The following CCSER1 variants were observed in gnomAD, a reference collection of about 807,000 sequenced individuals.
CCSER1 encodes coiled-coil serine rich protein 1, also known as serine-rich coiled-coil domain-containing protein 1.
CCSER1 carries 41 observed loss-of-function variants against 82.0 expected under a neutral mutation model. The observed-to-expected ratio is 0.50, with a 90% CI of 0.39 to 0.65. CCSER1 has a LOEUF of 0.65. CCSER1 is among the 30% of genes least tolerant of loss of function. The pLI, the probability that CCSER1 is intolerant of heterozygous loss-of-function variation, is 0.00. For missense variants in CCSER1, 1,119 were observed against 1,064.2 expected (o/e 1.05, Z -0.72); for synonymous variants, 414 against 383.9 (o/e 1.08, Z -0.92).
chr4:91,264,789 GT>G (rs1373118086), intron 10 of CCSER1, among the ~76,000 whole-genome samples: 42 of 151,978 alleles, frequency 2.8e-4, no homozygotes, highest in Admixed American at 9.8e-4. Context: ...TTCTTAACTA[GT>G]TTTATCTCTG....
chr4:91,455,374 T>A (rs926482769), intron 10 of CCSER1, among the ~76,000 whole-genome samples: 12 of 152,004 alleles, frequency 7.9e-5, no homozygotes, highest in African/African-American at 2.9e-4. Flanking sequence ...ACAGGTGGGG[T>A]CTTTTGGAAA....
intron 6 of CCSER1, among the ~76,000 whole-genome samples, chr4:90,629,437 C>A (rs112768911): frequency 1.3e-5 from 2 of 152,104 alleles, no homozygotes; most frequent in African/African-American, 4.8e-5. Flanking sequence ...TCTTACACGG[C>A]GGCAGGCAAG....
At chr4:91,053,564 C>T (rs1743184421) in intron 9 of CCSER1, among the ~76,000 whole-genome samples, 1 of 152,156 alleles carries the variant, frequency 6.6e-6, no homozygotes, top group East Asian at 1.9e-4. Flanking sequence ...TGTTCACAGA[C>T]CTCCAGAGGA....
chr4:90,398,810 A>G (rs1163702207), intron 3 of CCSER1, among the ~76,000 whole-genome samples: 2 of 152,256 alleles, frequency 1.3e-5, no homozygotes, highest in East Asian at 1.9e-4. Flanking sequence ...CTTTCAAACC[A>G]TGGTATGTGC....
In CCSER1 at chr4:91,553,572, A is replaced by AT. The variant is rs35414901; in HGVS notation, c.2218-44990dup. ...TGATTCAATCTCCTTACTTACGGGA[A>AT]TTTTTTTTTTGTCTTCAGTCTCCTT... On this transcript the variant is annotated intron_variant, in intron 10 of 10. Transcript: ENST00000509176. Among the ~76,000 whole-genome samples the AT allele has an allele frequency of 8.1e-4, 121 of 149,846 alleles. 1 individual carries two copies. The highest frequency in any genetic ancestry group is 1.2e-3 in the Non-Finnish European group (79 of 67,178).
intron 7 of CCSER1, among the ~76,000 whole-genome samples, chr4:90,766,060 G>T (rs1388605438): frequency 1.3e-5 from 2 of 152,132 alleles, no homozygotes; most frequent in Admixed American, 1.3e-4. Flanking sequence ...AAATGTGTGT[G>T]TGTGTATGTG....
chr4:91,079,578 C>A (rs935640250), intron 9 of CCSER1, among the ~76,000 whole-genome samples: 2 of 152,172 alleles, frequency 1.3e-5, no homozygotes, highest in Non-Finnish European at 2.9e-5. Flanking sequence ...CAATATGAAT[C>A]TTAAATGTAA....
chr4:90,807,737 A>G (rs531964030), intron 7 of CCSER1, among the ~76,000 whole-genome samples: 1 of 152,264 alleles, frequency 6.6e-6, no homozygotes, highest in Admixed American at 6.5e-5. Flanking sequence ...AAAAAATCAT[A>G]TATGACATAA....
intron 9 of CCSER1, among the ~76,000 whole-genome samples, chr4:90,951,943 C>A (rs1215442049): frequency 2.0e-5 from 3 of 151,216 alleles, no homozygotes; most frequent in Non-Finnish European, 4.4e-5. Flanking sequence ...ATTTTACACG[C>A]ACACACATAC....
intron 5 of CCSER1, among the ~76,000 whole-genome samples, chr4:90,539,328 A>G (rs764357556): frequency 6.6e-5 from 10 of 152,070 alleles, no homozygotes; most frequent in Non-Finnish European, 1.2e-4. Flanking sequence ...GAAGACAGGG[A>G]TTCACTGATG....
At chr4:90,413,981 A>AATATATATATATATATATATATATATAT (rs70963066) in intron 4 of CCSER1, among the ~76,000 whole-genome samples, 1 of 52,450 alleles carries the variant, frequency 1.9e-5, no homozygotes, top group African/African-American at 1.0e-4. Context: ...AAAAAAAAAA[A>AATATATATATATATATATATATATATAT]ATATATATAT....
chr4:91,386,298 A>C (rs892530898), intron 10 of CCSER1, among the ~76,000 whole-genome samples: 3 of 152,064 alleles, frequency 2.0e-5, no homozygotes, highest in Admixed American at 1.3e-4. Flanking sequence ...TCTCACTGTA[A>C]AATCTGAGAT....
chr4:91,067,009 C>CA (rs1355805863), intron 9 of CCSER1, among the ~76,000 whole-genome samples: 6 of 151,916 alleles, frequency 3.9e-5, no homozygotes, highest in Non-Finnish European at 7.4e-5. Flanking sequence ...ACTAAAAATA[C>CA]AAAAAATTAG....
At chr4:90,581,945 C>G (rs1469447756) in intron 5 of CCSER1, among the ~76,000 whole-genome samples, 5 of 150,236 alleles carry the variant, frequency 3.3e-5, no homozygotes, top group Non-Finnish European at 7.4e-5. Flanking sequence ...TTTGATAGGA[C>G]CAAGCAGGAT....
chr4:91,501,256 A>G lies in CCSER1; in HGVS notation c.2218-97316A>G, dbSNP rs190926771. Among the ~76,000 whole-genome samples, 85 of 151,888 alleles carry G rather than the reference A, an allele frequency of 5.6e-4. No individual in the cohort carries two copies. In the East Asian group the frequency reaches 0.015, roughly 27 times the overall value. ...AGAATTTCTTTTTATTTATGATCCC[A>G]TTCCTTTTTGTTGTTGTTGATTTAA... On this transcript the variant is annotated intron_variant, in intron 10 of 10. Transcript: ENST00000509176.
At chr4:90,817,077 T>C (rs1333179436) in intron 8 of CCSER1, among the ~76,000 whole-genome samples, 1 of 152,146 alleles carries the variant, frequency 6.6e-6, no homozygotes, top group Admixed American at 6.5e-5. Flanking sequence ...GTAAGTAACA[T>C]ATTGTAGTGT....
chr4:91,500,578 C>T (rs1759153260), intron 10 of CCSER1, among the ~76,000 whole-genome samples: 1 of 151,802 alleles, frequency 6.6e-6, no homozygotes, highest in African/African-American at 2.4e-5. Flanking sequence ...TTCATGGGTG[C>T]TTGAAAATAT....
chr4:90,955,745 A>G (rs28562515), intron 9 of CCSER1, among the ~76,000 whole-genome samples: 3,923 of 152,202 alleles, frequency 0.026, 152 homozygotes, highest in African/African-American at 0.085. Context: ...TTACTGAAAC[A>G]AATTAAGTCC....
At chr4:91,554,607 A>G (rs762328941) in intron 10 of CCSER1, among the ~76,000 whole-genome samples, 2 of 151,306 alleles carry the variant, frequency 1.3e-5, no homozygotes, top group Non-Finnish European at 3.0e-5. Context: ...ATAATAATGT[A>G]AAAATGTCCA....
Sources: gnomAD v4.1 joint callset for allele counts (sites outside exome capture counted in the v4.1 genomes callset) on GRCh38, gnomAD v4.1.1 for gene constraint, MANE v1.5 for transcripts, NCBI Gene and HGNC (gene_info 2026-07-23, HGNC 2026-07-21) for gene names.